PCBP3: variants seen among roughly 807,000 people sequenced by gnomAD.
PCBP3 encodes the protein poly(rC)-binding protein 3.
In PCBP3, 25 loss-of-function variants were observed where a neutral mutation model predicts 52.7. The observed-to-expected ratio is 0.47, with a 90% CI of 0.35 to 0.66. The LOEUF (loss-of-function observed/expected upper bound fraction) is 0.66, where lower values mean the gene tolerates loss of function less well. PCBP3 is among the 30% of genes least tolerant of loss of function. The pLI, the probability that PCBP3 is intolerant of heterozygous loss-of-function variation, is 0.01. For missense variants in PCBP3, 391 were observed against 490.3 expected (o/e 0.80, Z 1.91); for synonymous variants, 162 against 183.0 (o/e 0.89, Z 0.93).
intron 2 of PCBP3, chr21:45,673,611 G>T (rs1417782968): frequency 2.6e-5 from 4 of 152,114 alleles, no homozygotes; most frequent in Non-Finnish European, 4.4e-5. Flanking sequence ...GTGAATACCT[G>T]GCCTGAGCTT....
rs372427814 is a variant in PCBP3 at position 45,725,878 on chromosome 21, G to A, written c.-199-9514G>A. ...CTGATGGAGGAAAGGAAGGGGTGGG[G>A]GGCAGCTGGGGTGAGGAAGCCAGTG... On this transcript the variant is annotated intron_variant, in intron 2 of 17. Transcript: ENST00000681687. Among the ~76,000 whole-genome samples, 633 of 152,084 alleles carry A rather than the reference G, an allele frequency of 4.2e-3. 8 individuals are homozygous for A. Among genetic ancestry groups the A allele is most frequent in the African/African-American group, 0.015 (608 of 41,468 alleles).
intron 9 of PCBP3, among the ~76,000 whole-genome samples, chr21:45,905,791 C>A (rs73907992): frequency 0.012 from 1,812 of 152,308 alleles, 43 homozygotes; most frequent in African/African-American, 0.041. Context: ...TTAGTTACCT[C>A]TGTAAAGCCC....
intron 12 of PCBP3, 62 bp downstream of exon 12, chr21:45,914,087 C>G: frequency 4.3e-6 from 7 of 1,611,328 alleles, no homozygotes; most frequent in Non-Finnish European, 5.9e-6. Context: ...CAGCACCCGC[C>G]GCTGCCCGTT....
chr21:45,778,983 C>T (rs1351492110), intron 4 of PCBP3, among the ~76,000 whole-genome samples: 2 of 152,174 alleles, frequency 1.3e-5, no homozygotes, highest in Non-Finnish European at 2.9e-5. Flanking sequence ...CTCCCAGTCC[C>T]CACAGGGCTT....
intron 2 of PCBP3, among the ~76,000 whole-genome samples, chr21:45,696,610 G>A (rs1033406113): frequency 2.6e-5 from 4 of 152,174 alleles, no homozygotes; most frequent in African/African-American, 9.6e-5. Flanking sequence ...GGCCAACATC[G>A]TGGAACCCCA....
At chr21:45,831,864 G>T (rs1488110631) in intron 4 of PCBP3, among the ~76,000 whole-genome samples, 1 of 152,076 alleles carries the variant, frequency 6.6e-6, no homozygotes, top group African/African-American at 2.4e-5. Flanking sequence ...GCATGTGCCA[G>T]GATGCCTGGC....
intron 4 of PCBP3, among the ~76,000 whole-genome samples, chr21:45,815,003 AGTGG>A (rs2147167513): frequency 2.8e-5 from 2 of 72,004 alleles, no homozygotes; most frequent in African/African-American, 1.2e-4. Flanking sequence ...GTGGTGAGTG[AGTGG>A]TGAGTGATGA....
At chr21:45,831,408 C>CAAAAAAA (rs59400163) in intron 4 of PCBP3, among the ~76,000 whole-genome samples, 83 of 86,556 alleles carry the variant, frequency 9.6e-4, no homozygotes, top group African/African-American at 3.3e-3. Flanking sequence ...GATGCTGTCT[C>CAAAAAAA]AAAAAAAAAA....
At chr21:45,706,176 A>C (rs1004760731) in intron 2 of PCBP3, among the ~76,000 whole-genome samples, 2 of 152,172 alleles carry the variant, frequency 1.3e-5, no homozygotes, top group Non-Finnish European at 2.9e-5. Flanking sequence ...CTCTGACTAC[A>C]CATTAGTCAT....
intron 2 of PCBP3, among the ~76,000 whole-genome samples, chr21:45,726,146 G>C (rs2085025431): frequency 6.6e-6 from 1 of 152,106 alleles, no homozygotes. Context: ...ACTCCGAGGG[G>C]CCTGAGCAAC....
chr21:45,841,609 A>G (rs959408946), intron 4 of PCBP3, among the ~76,000 whole-genome samples: 1 of 152,174 alleles, frequency 6.6e-6, no homozygotes, highest in Non-Finnish European at 1.5e-5. Context: ...GTTTTTTGGT[A>G]TATTTTCATT....
chr21:45,648,611 G>A (rs768753664), intron 1 of PCBP3, among the ~76,000 whole-genome samples: 2 of 152,212 alleles, frequency 1.3e-5, no homozygotes, highest in Non-Finnish European at 2.9e-5. Context: ...CCTCATAGCT[G>A]TTGTCAGATT....
intron 14 of PCBP3, 118 bp from the exon 15 acceptor site, chr21:45,930,668 G>A (rs2076062086): frequency 8.5e-6 from 5 of 589,490 alleles, no homozygotes; most frequent in South Asian, 7.8e-5. Flanking sequence ...GCCTGTGGCT[G>A]TGGCCAGAGA....
At chr21:45,822,216 G>GCACCGT (rs2093161392) in intron 4 of PCBP3, among the ~76,000 whole-genome samples, 1 of 152,162 alleles carries the variant, frequency 6.6e-6, no homozygotes, top group Non-Finnish European at 1.5e-5. Context: ...ACAGGCACCG[G>GCACCGT]CACCGTCATC....
chr21:45,927,070 C>T (rs1025344950), intron 13 of PCBP3, among the ~76,000 whole-genome samples: 1 of 152,034 alleles, frequency 6.6e-6, no homozygotes, highest in African/African-American at 2.4e-5. Context: ...AGGTTAGAAC[C>T]ACTGTGCTGG....
intron 12 of PCBP3, chr21:45,916,659 C>G (rs1338811989): frequency 6.6e-6 from 1 of 152,274 alleles, no homozygotes; most frequent in Non-Finnish European, 1.5e-5. Flanking sequence ...ACACCGATAC[C>G]ACGGGTCCTC....
At chr21:45,659,573 A>C (rs952809726) in intron 1 of PCBP3, among the ~76,000 whole-genome samples, 1 of 151,494 alleles carries the variant, frequency 6.6e-6, no homozygotes, top group African/African-American at 2.4e-5. Context: ...CTGGTCTCGA[A>C]CTCCTGGGCT....
At chr21:45,778,999 C>G (rs1366679271) in intron 4 of PCBP3, among the ~76,000 whole-genome samples, 1 of 152,190 alleles carries the variant, frequency 6.6e-6, no homozygotes, top group African/African-American at 2.4e-5. Flanking sequence ...GGCTTGCCCC[C>G]CAGCCCTGGT....
At chr21:45,841,904 C>G (rs146291261) in intron 4 of PCBP3, among the ~76,000 whole-genome samples, 1 of 152,252 alleles carries the variant, frequency 6.6e-6, no homozygotes. Context: ...TTCCCTGACT[C>G]TGTTGTCTAG....
Sources: gnomAD v4.1 joint callset for allele counts (sites outside exome capture counted in the v4.1 genomes callset) on GRCh38, gnomAD v4.1.1 for gene constraint, MANE v1.5 for transcripts, NCBI Gene and HGNC (gene_info 2026-07-23, HGNC 2026-07-21) for gene names.